Variants in KIF6 observed in about 807,000 individuals in gnomAD.
KIF6 encodes the protein kinesin-like protein KIF6.
KIF6 carries 106 observed loss-of-function variants against 112.7 expected under a neutral mutation model. The observed-to-expected ratio is 0.94, with a 90% CI of 0.80 to 1.11. The LOEUF (loss-of-function observed/expected upper bound fraction) is 1.11. KIF6 is among the 50% of genes least tolerant of loss of function. The pLI is 0.00. For synonymous variants in KIF6, 339 were observed against 339.9 expected, an observed-to-expected ratio of 1.00 and a Z score of 0.03; for missense variants, 929 against 964.0, an observed-to-expected ratio of 0.96 and a Z score of 0.48.
intron 15 of KIF6, among the ~76,000 whole-genome samples, chr6:39,418,164 T>TG (rs1770070371): frequency 6.6e-6 from 1 of 152,338 alleles, no homozygotes; most frequent in African/African-American, 2.4e-5. Flanking sequence ...AGATGAGCTA[T>TG]GGATGGACAT....
intron 12 of KIF6, among the ~76,000 whole-genome samples, chr6:39,540,486 T>G (rs1400662967): frequency 6.6e-6 from 1 of 152,224 alleles, no homozygotes; most frequent in Non-Finnish European, 1.5e-5. Context: ...TTAACAATCT[T>G]ATGAAAGTGC....
chr6:39,591,632 A>G (rs1284916874), intron 7 of KIF6, among the ~76,000 whole-genome samples: 1 of 152,186 alleles, frequency 6.6e-6, no homozygotes, highest in Non-Finnish European at 1.5e-5. Context: ...TCAGCTCTCA[A>G]GGAGCTTGAG....
intron 5 of KIF6, among the ~76,000 whole-genome samples, chr6:39,624,976 A>G (rs1345071267): frequency 8.7e-6 from 1 of 114,594 alleles, no homozygotes; most frequent in African/African-American, 3.6e-5. Context: ...TTCGGTTTAA[A>G]TGAGGACATG....
chr6:39,404,355 G>A (rs1768929485), intron 15 of KIF6, among the ~76,000 whole-genome samples: 1 of 152,118 alleles, frequency 6.6e-6, no homozygotes, highest in East Asian at 1.9e-4. Context: ...TATGGTGTAA[G>A]ATTACATTGA....
chr6:39,409,745 T>C (rs1327273502), intron 15 of KIF6, among the ~76,000 whole-genome samples: 2 of 152,188 alleles, frequency 1.3e-5, no homozygotes, highest in Non-Finnish European at 2.9e-5. Context: ...CGAGGAGGGC[T>C]ATTCCCACCC....
intron 6 of KIF6, among the ~76,000 whole-genome samples, chr6:39,611,034 C>T (rs976075549): frequency 2.2e-4 from 34 of 152,316 alleles, no homozygotes; most frequent in African/African-American, 3.6e-4. Flanking sequence ...TGGCTGGGCG[C>T]GGTGGCTCAC....
At chr6:39,641,216 T>G (rs964763845) in intron 3 of KIF6, among the ~76,000 whole-genome samples, 7 of 152,158 alleles carry the variant, frequency 4.6e-5, no homozygotes, top group African/African-American at 7.2e-5. Context: ...TTCAAATATC[T>G]AATCTTAAAC....
intron 16 of KIF6, among the ~76,000 whole-genome samples, chr6:39,385,154 C>G (rs1767302245): frequency 6.6e-6 from 1 of 152,216 alleles, no homozygotes; most frequent in East Asian, 1.9e-4. Context: ...GCATCTCCCC[C>G]ATCTGGTAAA....
intron 15 of KIF6, among the ~76,000 whole-genome samples, chr6:39,401,210 A>G (rs1236515985): frequency 1.3e-5 from 2 of 152,262 alleles, no homozygotes; most frequent in Non-Finnish European, 2.9e-5. Flanking sequence ...GCCGGAGGCC[A>G]GTAGCCTTTC....
chr6:39,652,295 C>T (rs868829225), intron 3 of KIF6, among the ~76,000 whole-genome samples: 1 of 151,950 alleles, frequency 6.6e-6, no homozygotes, highest in Non-Finnish European at 1.5e-5. Context: ...TTTGGGAGGC[C>T]AAGCAGGTGG....
intron 13 of KIF6, among the ~76,000 whole-genome samples, chr6:39,447,454 A>C (rs1350710122): frequency 6.6e-6 from 1 of 151,834 alleles, no homozygotes; most frequent in Non-Finnish European, 1.5e-5. Context: ...AGCAGCACAA[A>C]GTCATATTTT....
chr6:39,452,319 G>A (rs1211954875), intron 13 of KIF6, among the ~76,000 whole-genome samples: 1 of 152,208 alleles, frequency 6.6e-6, no homozygotes, highest in Admixed American at 6.5e-5. Context: ...CATCTGTGGT[G>A]AAAAATGTTC....
intron 22 of KIF6, among the ~76,000 whole-genome samples, chr6:39,337,155 T>TTTTCCTTCCTTCC (rs1554195029): frequency 0.024 from 1,268 of 53,676 alleles, 105 homozygotes; most frequent in East Asian, 0.054. Flanking sequence ...TTTCTCTTTC[T>TTTTCCTTCCTTCC]TTTCTTTCTT....
chr6:39,598,478 A>G (rs1444538343), intron 6 of KIF6, among the ~76,000 whole-genome samples: 1 of 152,172 alleles, frequency 6.6e-6, no homozygotes, highest in African/African-American at 2.4e-5. Flanking sequence ...GAGCAATCTG[A>G]TAATATGTGG....
intron 13 of KIF6, among the ~76,000 whole-genome samples, chr6:39,539,468 T>C (rs185404805): frequency 1.3e-5 from 2 of 152,152 alleles, no homozygotes; most frequent in Non-Finnish European, 2.9e-5. Flanking sequence ...CTCAGCCTCC[T>C]GAGTAGCTGG....
chr6:39,539,920 A>C, intron 13 of KIF6, 83 bp downstream of exon 13: 2 of 975,116 alleles, frequency 2.1e-6, no homozygotes, highest in Non-Finnish European at 3.1e-6. Context: ...TTGAGCCTTC[A>C]TCCTGATACA....
At chr6:39,380,743 G>T (rs192725181) in intron 16 of KIF6, among the ~76,000 whole-genome samples, 1 of 152,120 alleles carries the variant, frequency 6.6e-6, no homozygotes, top group Non-Finnish European at 1.5e-5. Flanking sequence ...CGCTAAATGT[G>T]GATTTGGGAA....
At chr6:39,439,664 C>G in intron 13 of KIF6, among the ~76,000 whole-genome samples, 1 of 152,170 alleles carries the variant, frequency 6.6e-6, no homozygotes, top group East Asian at 1.9e-4. Flanking sequence ...CATCCAAATT[C>G]TTGTGCGCTG....
At chr6:39,668,714 A>G (rs185031509) in intron 3 of KIF6, among the ~76,000 whole-genome samples, 107 of 152,272 alleles carry the variant, frequency 7.0e-4, no homozygotes, top group African/African-American at 2.4e-3. Context: ...AGATCCTCCA[A>G]TGTAAATTAA....
Sources: allele counts gnomAD v4.1 joint callset (sites outside exome capture counted in the v4.1 genomes callset), GRCh38; gene constraint gnomAD v4.1.1; transcripts MANE v1.5; gene names NCBI Gene and HGNC (gene_info 2026-07-23, HGNC 2026-07-21).